GRIK2: variants seen among roughly 807,000 people sequenced by gnomAD.
GRIK2 encodes glutamate ionotropic receptor kainate type subunit 2, also known as glutamate receptor ionotropic, kainate 2.
A neutral mutation model predicts 100.3 loss-of-function variants in GRIK2; 32 were observed. The observed-to-expected ratio is 0.32, with a 90% CI of 0.24 to 0.43. The LOEUF (loss-of-function observed/expected upper bound fraction) is 0.43. Among genes scored for constraint, GRIK2 ranks in the 20% least tolerant of loss-of-function variants. The pLI is 1.00. For missense variants in GRIK2, 843 were observed against 1,114.9 expected, an observed-to-expected ratio of 0.76 and a Z score of 3.47; for synonymous variants, 417 against 389.4, an observed-to-expected ratio of 1.07 and a Z score of -0.83.
chr6:101,678,208 C>T (rs1407469053), intron 5 of GRIK2, among the ~76,000 whole-genome samples: 1 of 152,106 alleles, frequency 6.6e-6, no homozygotes, highest in African/African-American at 2.4e-5. Flanking sequence ...CTCTAAAGAA[C>T]TAACTCTCAC....
chr6:101,894,643 G>A (rs12197541), intron 12 of GRIK2, among the ~76,000 whole-genome samples: 12,821 of 151,358 alleles, frequency 0.085, 753 homozygotes, highest in Middle Eastern at 0.2. Flanking sequence ...GTCTGGTTAG[G>A]GCACCCACCC....
intron 14 of GRIK2, among the ~76,000 whole-genome samples, chr6:102,029,835 G>T (rs1322338415): frequency 6.6e-6 from 1 of 151,048 alleles, no homozygotes; most frequent in Non-Finnish European, 1.5e-5. Context: ...CAGTGTTGGA[G>T]AGTCTTTCCT....
chr6:101,562,214 T>C (rs575189460), intron 2 of GRIK2, among the ~76,000 whole-genome samples: 11 of 152,172 alleles, frequency 7.2e-5, no homozygotes, highest in African/African-American at 2.6e-4. Flanking sequence ...TCTGCTATCA[T>C]TCCCTAAAAA....
chr6:101,590,343 T>C lies in GRIK2; in HGVS notation c.116-31606T>C, dbSNP rs556666047. 2.0e-5 allele frequency among the ~76,000 whole-genome samples: 3 copies of C among 152,182 alleles called. No individual in the cohort carries two copies. The East Asian group carries it at 5.8e-4, about 30-fold the overall frequency. ...AAGGGCATTGGAGAGCAATGTACAGTATAGCAGAGGAAAAGGCTTCTCTTC... is the reference window on the plus strand; with the variant it reads ...AAGGGCATTGGAGAGCAATGTACAGCATAGCAGAGGAAAAGGCTTCTCTTC... On this transcript the variant is annotated intron_variant, in intron 2 of 16. Coordinates refer to ENST00000369134, the MANE Select transcript of GRIK2 (RefSeq NM_021956.5).
chr6:101,917,275 A>G (rs1018686059), intron 12 of GRIK2, among the ~76,000 whole-genome samples: 7 of 151,782 alleles, frequency 4.6e-5, no homozygotes, highest in South Asian at 2.1e-4. Flanking sequence ...AGACACAACT[A>G]TGAAGTCCAT....
chr6:101,898,121 A>G (rs1327179114), intron 12 of GRIK2, among the ~76,000 whole-genome samples: 1 of 151,864 alleles, frequency 6.6e-6, no homozygotes, highest in Admixed American at 6.6e-5. Context: ...TTTTTATGAT[A>G]TGATTTAAGG....
At chr6:101,957,405 C>T (rs1259878393) in intron 14 of GRIK2, among the ~76,000 whole-genome samples, 2 of 151,660 alleles carry the variant, frequency 1.3e-5, no homozygotes, top group African/African-American at 4.8e-5. Context: ...ATGTCACACA[C>T]ATAGTTTTCA....
At chr6:102,056,349 A>G (rs1771461127) in intron 16 of GRIK2, among the ~76,000 whole-genome samples, 1 of 151,970 alleles carries the variant, frequency 6.6e-6, no homozygotes, top group Non-Finnish European at 1.5e-5. Context: ...CCTCATTTTT[A>G]TAAATATGAT....
At chr6:101,925,669 T>C (rs1789841573) in intron 13 of GRIK2, among the ~76,000 whole-genome samples, 1 of 151,986 alleles carries the variant, frequency 6.6e-6, no homozygotes, top group Non-Finnish European at 1.5e-5. Context: ...AACATATTTC[T>C]TCATAAGAGT....
chr6:101,637,369 C>T lies in GRIK2; in HGVS notation c.541+10732C>T, dbSNP rs116204375. On this transcript the variant is annotated intron_variant, in intron 4 of 16. Transcript: ENST00000369134. ...AAAAGCCAAACTCAGTATCTTTGCCCGAAATTTGCTTTTTACTCCTGAATT... is the reference window on the plus strand; with the variant it reads ...AAAAGCCAAACTCAGTATCTTTGCCTGAAATTTGCTTTTTACTCCTGAATT... 8.7e-3 allele frequency among the ~76,000 whole-genome samples: 1,330 copies of T among 152,166 alleles called. 19 individuals are homozygous for T. Among genetic ancestry groups the T allele is most frequent in the African/African-American group, 0.03 (1,261 of 41,526 alleles).
intron 7 of GRIK2, among the ~76,000 whole-genome samples, chr6:101,714,379 T>A (rs1475820135): frequency 6.6e-6 from 1 of 151,906 alleles, no homozygotes; most frequent in East Asian, 1.9e-4. Context: ...TTTAGATTCC[T>A]GGACTGCCAT....
intron 7 of GRIK2, among the ~76,000 whole-genome samples, chr6:101,792,996 G>T (rs1028171200): frequency 6.6e-6 from 1 of 151,862 alleles, no homozygotes; most frequent in Non-Finnish European, 1.5e-5. Flanking sequence ...CCAGTTGATC[G>T]CATCGGCTCC....
intron 12 of GRIK2, among the ~76,000 whole-genome samples, chr6:101,923,214 A>C (rs1035785070): frequency 6.6e-6 from 1 of 152,334 alleles, no homozygotes. Flanking sequence ...TGACGGATAC[A>C]TTATTCAAAT....
chr6:101,816,208 A>G (rs1176804536), intron 9 of GRIK2, among the ~76,000 whole-genome samples: 1 of 151,794 alleles, frequency 6.6e-6, no homozygotes, highest in African/African-American at 2.4e-5. Flanking sequence ...AGCATTACAC[A>G]TCTGAAAATC....
intron 2 of GRIK2, among the ~76,000 whole-genome samples, chr6:101,455,276 A>AT (rs1160222728): frequency 2.0e-5 from 3 of 152,066 alleles, no homozygotes; most frequent in East Asian, 3.9e-4. Flanking sequence ...TGTTGGTTCT[A>AT]TTTTTTTCTT....
chr6:102,002,282 G>A (rs1331581462), intron 14 of GRIK2, among the ~76,000 whole-genome samples: 1 of 148,750 alleles, frequency 6.7e-6, no homozygotes. Flanking sequence ...ATGTATGTGT[G>A]TGTATATATG....
chr6:101,529,184 C>A lies in GRIK2; in HGVS notation c.116-92765C>A, dbSNP rs188058406. 1.5e-3 allele frequency among the ~76,000 whole-genome samples: 228 copies of A among 152,158 alleles called. 1 individual carries two copies. The highest frequency in any genetic ancestry group is 2.8e-3 in the Non-Finnish European group (187 of 67,970). The stretch of plus-strand genomic sequence containing the variant: ...TTATTTTGGGATCTACTGACCATGG[C>A]AAAACTCAAAATATAGTTTACACAA... On this transcript the variant is annotated intron_variant, in intron 2 of 16. Coordinates refer to ENST00000369134, the MANE Select transcript of GRIK2 (RefSeq NM_021956.5).
intron 7 of GRIK2, among the ~76,000 whole-genome samples, chr6:101,776,776 C>T (rs1257194125): frequency 1.3e-5 from 2 of 152,152 alleles, no homozygotes; most frequent in African/African-American, 4.8e-5. Flanking sequence ...GCGTCATGTA[C>T]ATAACACATT....
At chr6:101,720,685 A>AT (rs1490520114) in intron 7 of GRIK2, among the ~76,000 whole-genome samples, 2 of 152,002 alleles carry the variant, frequency 1.3e-5, no homozygotes, top group African/African-American at 2.4e-5. Context: ...GGAAATATCA[A>AT]TTTTCAAATA....
Sources: allele counts gnomAD v4.1 joint callset (sites outside exome capture counted in the v4.1 genomes callset), GRCh38; gene constraint gnomAD v4.1.1; transcripts MANE v1.5; gene names NCBI Gene and HGNC (gene_info 2026-07-23, HGNC 2026-07-21).